PCGF6: variants seen among roughly 807,000 people sequenced by gnomAD.
PCGF6 encodes polycomb group RING finger protein 6.
In PCGF6, 24 loss-of-function variants were observed where a neutral mutation model predicts 45.5. The ratio of observed to expected loss-of-function variants is 0.53; its 90% CI spans 0.38 to 0.74. PCGF6 has a LOEUF of 0.74. Among genes scored for constraint, PCGF6 ranks in the 30% least tolerant of loss-of-function variants. The pLI is 0.00. For missense variants in PCGF6, 356 were observed against 443.2 expected (o/e 0.80, Z 1.77); for synonymous variants, 152 against 162.1 (o/e 0.94, Z 0.47).
chr10:103,348,883 G>A lies in PCGF6; in HGVS notation c.460+17C>T. On this transcript the variant is annotated intron_variant, in intron 2 of 9. Coordinates refer to ENST00000369847, the MANE Select transcript of PCGF6 (RefSeq NM_001011663.2). The stretch of plus-strand genomic sequence containing the variant: ...AAAAACTGAAAAATTATTCAGAAAT[G>A]TGATCGGTATGCTTACAGGTATGAA... 6.2e-7 allele frequency: 1 copy of A among 1,604,812 alleles called. No homozygotes were observed. The highest frequency in any genetic ancestry group is 8.5e-7 in the Non-Finnish European group (1 of 1,173,486).
chr10:103,319,431 G>C (rs769727139), intron 8 of PCGF6, among the ~76,000 whole-genome samples: 1 of 151,978 alleles, frequency 6.6e-6, no homozygotes, highest in African/African-American at 2.4e-5. Context: ...GATTACAAGC[G>C]TGAGCCACCG....
intron 7 of PCGF6, among the ~76,000 whole-genome samples, chr10:103,331,450 G>A (rs895401830): frequency 1.3e-5 from 2 of 152,054 alleles, no homozygotes; most frequent in African/African-American, 4.8e-5. Context: ...TAGAGATAGA[G>A]TTTTGGCATG....
intron 7 of PCGF6, among the ~76,000 whole-genome samples, chr10:103,329,044 G>C (rs978195971): frequency 9.4e-6 from 1 of 106,712 alleles, no homozygotes; most frequent in South Asian, 2.9e-4. Context: ...TGCGCCCGGC[G>C]GATTTTAACT....
intron 7 of PCGF6, among the ~76,000 whole-genome samples, chr10:103,329,510 T>C (rs1379532819): frequency 6.6e-6 from 1 of 151,736 alleles, no homozygotes; most frequent in Non-Finnish European, 1.5e-5. Flanking sequence ...GGAGTTTTGC[T>C]CTTGTTGCCC....
chr10:103,326,469 CT>C (rs2093219076), intron 8 of PCGF6, 64 bp downstream of exon 8: 1 of 931,430 alleles, frequency 1.1e-6, no homozygotes, highest in Non-Finnish European at 1.6e-6. Context: ...CTACAGAGTT[CT>C]TTCTACAGTG....
chr10:103,345,379 T>G (rs2093295517), intron 5 of PCGF6, among the ~76,000 whole-genome samples: 2 of 152,136 alleles, frequency 1.3e-5, no homozygotes, highest in African/African-American at 4.8e-5. Context: ...GAGAGCTCAT[T>G]AGAACAGCAA....
In PCGF6 at chr10:103,351,030, C is replaced by G. The variant is rs1392457221; in HGVS notation, c.37G>C (p.Gly13Arg). The G allele has an allele frequency of 2.9e-6, 4 of 1,399,112 alleles. No individual in the cohort carries two copies. The highest frequency in any genetic ancestry group is 3.7e-6 in the Non-Finnish European group (4 of 1,076,642). The allele number at this position is 1,399,112 out of a possible 1,614,324, so 86.7% of individuals were successfully genotyped here. ...GCAGCTCCCTCGGTTTTGGCAGCGCCTACGCTGCCCGCCGTCACCACCGCG... is the reference window on the plus strand; with the variant it reads ...GCAGCTCCCTCGGTTTTGGCAGCGCGTACGCTGCCCGCCGTCACCACCGCG... ...GVAVVTAGSV[G>R]AAKTEGAAAL... Residue 13 changes from glycine (G) to arginine (R), a missense_variant, in exon 1 of 10, where the codon GGC becomes CGC. Gly to Arg is a moderately radical substitution (Grantham distance 125). Around this residue, in one of 2 missense-constraint regions of PCGF6, gnomAD observed 307 missense variants for 350.1 expected, o/e 0.88. Transcript: ENST00000369847.
At chr10:103,330,504 C>T (rs1357242184) in intron 7 of PCGF6, among the ~76,000 whole-genome samples, 1 of 152,166 alleles carries the variant, frequency 6.6e-6, no homozygotes, top group African/African-American at 2.4e-5. Flanking sequence ...AAATCAACAG[C>T]TTTATTGAGA....
chr10:103,338,237 T>A (rs1378182850), intron 6 of PCGF6, among the ~76,000 whole-genome samples: 1 of 150,426 alleles, frequency 6.6e-6, no homozygotes, highest in East Asian at 2.0e-4. Context: ...GAAAACCCTG[T>A]CTCAAACAAA....
At chr10:103,309,470 C>A (rs2093149001) in intron 9 of PCGF6, among the ~76,000 whole-genome samples, 1 of 152,216 alleles carries the variant, frequency 6.6e-6, no homozygotes, top group Non-Finnish European at 1.5e-5. Flanking sequence ...TTTTTGCCTT[C>A]AGCCATGATT....
At chr10:103,323,601 C>CT (rs1221501576) in intron 8 of PCGF6, among the ~76,000 whole-genome samples, 3 of 141,628 alleles carry the variant, frequency 2.1e-5, no homozygotes, top group South Asian at 2.3e-4. Flanking sequence ...GGCCCCTTTT[C>CT]TTTTTTTTGA....
Position 103,327,693 on chromosome 10 carries a change from G to A in PCGF6, c.811-1061C>T, listed in dbSNP as rs540436051. 4.4e-4 allele frequency among the ~76,000 whole-genome samples: 61 copies of A among 139,722 alleles called. 1 individual carries two copies. The South Asian group carries it at 0.012, about 28-fold the overall frequency. The allele number at this position is 139,722 out of a possible 152,430, so 91.7% of individuals were successfully genotyped here. A position where few individuals can be genotyped will look rare whatever the true frequency, so the allele number is the denominator to read the frequency against. On this transcript the variant is annotated intron_variant, in intron 7 of 9. Coordinates refer to ENST00000369847, the MANE Select transcript of PCGF6 (RefSeq NM_001011663.2). ...TTTTTTTTCTTTTCTTTTCTTTTTT[G>A]AGACAGAGTCTCACTCTGTCACCCA...
intron 7 of PCGF6, among the ~76,000 whole-genome samples, chr10:103,331,211 T>G (rs897925886): frequency 2.0e-5 from 3 of 152,228 alleles, no homozygotes; most frequent in Non-Finnish European, 4.4e-5. Flanking sequence ...ATTTTGTTTA[T>G]CCATTCATCA....
chr10:103,344,886 A>G, intron 6 of PCGF6, 138 bp downstream of exon 6: 1 of 614,320 alleles, frequency 1.6e-6, no homozygotes, highest in Non-Finnish European at 2.8e-6. Context: ...ACCTTTTTCT[A>G]ATTATTTCTA....
intron 6 of PCGF6, 120 bp downstream of exon 6, chr10:103,344,904 G>A: frequency 1.5e-6 from 1 of 660,480 alleles, no homozygotes; most frequent in East Asian, 2.8e-5. Context: ...CTAATATTCA[G>A]TTATTTCATA....
intron 9 of PCGF6, among the ~76,000 whole-genome samples, chr10:103,311,590 G>A (rs1358795852): frequency 1.3e-5 from 2 of 151,936 alleles, no homozygotes; most frequent in Admixed American, 6.6e-5. Context: ...TTACAGGCAT[G>A]AGCCACCACC....
At chr10:103,315,461 G>A (rs1179482788) in intron 8 of PCGF6, among the ~76,000 whole-genome samples, 1 of 152,076 alleles carries the variant, frequency 6.6e-6, no homozygotes, top group Non-Finnish European at 1.5e-5. Flanking sequence ...CTGGGTTCAC[G>A]CCATTCCCCT....
At chr10:103,310,745 AG>A (rs1297921223) in intron 9 of PCGF6, among the ~76,000 whole-genome samples, 1 of 152,132 alleles carries the variant, frequency 6.6e-6, no homozygotes, top group African/African-American at 2.4e-5. Flanking sequence ...TCTGTCGCCC[AG>A]GCTGGAGTGC....
intron 6 of PCGF6, among the ~76,000 whole-genome samples, chr10:103,336,198 C>T (rs1173980909): frequency 6.6e-6 from 1 of 150,758 alleles, no homozygotes; most frequent in East Asian, 1.9e-4. Context: ...CATGCCACTG[C>T]ACTCCAGCCT....
Sources: allele counts gnomAD v4.1 joint callset (sites outside exome capture counted in the v4.1 genomes callset), GRCh38; gene constraint gnomAD v4.1.1; regional missense constraint gnomAD v4.1.1; transcripts MANE v1.5; gene names NCBI Gene and HGNC (gene_info 2026-07-23, HGNC 2026-07-21).